The following KMT2C variants were observed in gnomAD, a reference collection of about 807,000 sequenced individuals.
KMT2C encodes histone-lysine N-methyltransferase 2C.
Under a neutral mutation model 507.9 loss-of-function variants are expected in KMT2C, and 88 were observed. The observed-to-expected ratio is 0.17, with a 90% CI of 0.15 to 0.21. The LOEUF is 0.21. Among genes scored for constraint, KMT2C ranks in the 10% least tolerant of loss-of-function variants. KMT2C has a pLI of 1.00. For missense variants in KMT2C, 4,954 were observed against 5,957.8 expected (o/e 0.83, Z 5.55); for synonymous variants, 2,049 against 2,080.8 (o/e 0.98, Z 0.42).
At chr7:152,350,502 T>C (rs2097101992) in intron 2 of KMT2C, among the ~76,000 whole-genome samples, 1 of 152,222 alleles carries the variant, frequency 6.6e-6, no homozygotes, top group Admixed American at 6.5e-5. Flanking sequence ...TACAAACCTG[T>C]ACAGCATGTT....
At chr7:152,168,567 C>T (rs1418825251) in intron 41 of KMT2C, among the ~76,000 whole-genome samples, 1 of 151,966 alleles carries the variant, frequency 6.6e-6, no homozygotes, top group Non-Finnish European at 1.5e-5. Context: ...TGAGACCTAC[C>T]GCAAGGAAAG....
intron 1 of KMT2C, among the ~76,000 whole-genome samples, chr7:152,415,486 C>A (rs1472725371): frequency 6.6e-6 from 1 of 152,082 alleles, no homozygotes; most frequent in Non-Finnish European, 1.5e-5. Context: ...ATATGTCATA[C>A]AACAAGCTTA....
At chr7:152,333,461 T>C (rs1419019798) in intron 2 of KMT2C, among the ~76,000 whole-genome samples, 1 of 152,178 alleles carries the variant, frequency 6.6e-6, no homozygotes, top group African/African-American at 2.4e-5. Flanking sequence ...ATTATCCACA[T>C]TTCAACAATT....
At chr7:152,359,386 C>G (rs2129232245) in intron 1 of KMT2C, among the ~76,000 whole-genome samples, 1 of 150,070 alleles carries the variant, frequency 6.7e-6, no homozygotes, top group Admixed American at 6.7e-5. Flanking sequence ...ATAAGAGCAA[C>G]AAGATATTAC....
chr7:152,296,030 T>C (rs1405444694), intron 6 of KMT2C, among the ~76,000 whole-genome samples: 1 of 127,806 alleles, frequency 7.8e-6, no homozygotes, highest in African/African-American at 3.1e-5. Context: ...ATCACGCCAC[T>C]GCACTCCAGC....
rs1055937593 is a variant in KMT2C at position 152,185,538 on chromosome 7, A to G, written c.5082+20T>C. 5 of 775,270 alleles carry G rather than the reference A, an allele frequency of 6.4e-6. No individual in the cohort carries two copies. The highest frequency in any genetic ancestry group is 9.9e-6 in the Non-Finnish European group (5 of 506,320). 48.0% of individuals were successfully genotyped at this position (775,270 alleles called of 1,614,324 possible). A position where few individuals can be genotyped will look rare whatever the true frequency, so the allele number is the denominator to read the frequency against. ...CACTGTATTTAAATATTTAAAAGAT[A>G]GAGGAGTTTCTTAAAATACCACATA... is the stretch of plus-strand genomic sequence containing the variant. On this transcript the variant is annotated intron_variant, in intron 34 of 58. Transcript: ENST00000262189.
intron 31 of KMT2C, among the ~76,000 whole-genome samples, chr7:152,191,760 C>A (rs1009291403): frequency 2.0e-5 from 3 of 152,206 alleles, no homozygotes; most frequent in Admixed American, 1.3e-4. Flanking sequence ...TTAAACAATG[C>A]CCACTCCCTT....
At chr7:152,413,885 C>CAAAAAA (rs56006056) in intron 1 of KMT2C, among the ~76,000 whole-genome samples, 9 of 108,166 alleles carry the variant, frequency 8.3e-5, no homozygotes, top group African/African-American at 1.8e-4. Flanking sequence ...AACTCCGTCT[C>CAAAAAA]AAAAAAAAAA....
chr7:152,346,026 A>G (rs2097055002), intron 2 of KMT2C, among the ~76,000 whole-genome samples: 1 of 152,230 alleles, frequency 6.6e-6, no homozygotes. Context: ...AAAGAAAGGC[A>G]TTTTATAATG....
intron 2 of KMT2C, among the ~76,000 whole-genome samples, chr7:152,358,159 T>C (rs149321833): frequency 6.6e-6 from 1 of 152,194 alleles, no homozygotes; most frequent in Non-Finnish European, 1.5e-5. Context: ...CCAGAAACTA[T>C]TTGGTCTAGT....
Position 152,367,107 on chromosome 7 carries a change from GGAAGA to G in KMT2C, c.162-8437_162-8433del. The G allele has an allele frequency of 3.4e-6, 3 of 886,198 alleles. No homozygotes were observed. In the East Asian group the frequency reaches 8.0e-5, roughly 24 times the overall value. The allele number at this position is 886,198 out of a possible 1,614,324, so 54.9% of individuals were successfully genotyped here. A position where few individuals can be genotyped will look rare whatever the true frequency, so the allele number is the denominator to read the frequency against. On this transcript the variant is annotated intron_variant, in intron 1 of 58. Coordinates refer to ENST00000262189, the MANE Select transcript of KMT2C (RefSeq NM_170606.3). ...TGCATTTTTATCCAGAGAAGGAACAGGAAGAGAAGAGTGTGGTCTCCTAGAAATCT... is the reference window on the plus strand; with the variant it reads ...TGCATTTTTATCCAGAGAAGGAACAGGAAGAGTGTGGTCTCCTAGAAATCT...
intron 23 of KMT2C, among the ~76,000 whole-genome samples, chr7:152,218,877 A>ATG: frequency 6.6e-6 from 1 of 152,246 alleles, no homozygotes; most frequent in Non-Finnish European, 1.5e-5. Context: ...TCTCTCAGGT[A>ATG]ATCAAGTGGC....
chr7:152,165,662 G>A (rs1450563383), intron 42 of KMT2C, among the ~76,000 whole-genome samples: 1 of 152,136 alleles, frequency 6.6e-6, no homozygotes, highest in Non-Finnish European at 1.5e-5. Context: ...AACATGTACA[G>A]TGGGGGTATT....
intron 39 of KMT2C, 64 bp from the exon 40 acceptor site, chr7:152,171,406 A>G: frequency 9.4e-7 from 1 of 1,069,348 alleles, no homozygotes; most frequent in Non-Finnish European, 1.3e-6. Context: ...TATTAATTAA[A>G]AACTGTATTA....
At chr7:152,331,552 T>C (rs1450313110) in intron 2 of KMT2C, among the ~76,000 whole-genome samples, 1 of 150,306 alleles carries the variant, frequency 6.7e-6, no homozygotes, top group African/African-American at 2.5e-5. Context: ...GAGGCTACAG[T>C]GAGCTGTGAT....
At position 152,169,209 on chromosome 7, in the gene KMT2C, G is replaced by A; in HGVS notation, c.9494C>T (p.Pro3165Leu). The A allele has an allele frequency of 6.2e-7, 1 of 1,600,906 alleles. No homozygotes were observed. The highest frequency in any genetic ancestry group is 8.6e-7 in the Non-Finnish European group (1 of 1,168,280). Residue 3165 changes from proline to leucine, a missense_variant, in exon 41 of 59, where the codon CCA becomes CTA. Pro to Leu is a moderately conservative substitution (Grantham distance 98). Around this residue, in one of 29 missense-constraint regions of KMT2C, gnomAD observed 71 missense variants for 139.2 expected, o/e 0.51. Coordinates refer to ENST00000262189, the MANE Select transcript of KMT2C (RefSeq NM_170606.3). ...ACTGACAAAGCCTGGACCAAAATTT[G>A]GAGGATTAGGCCTAGAAATCTGATG... ...ITHQISRPNPPNFGPGFVNDS... is the reference protein window; with the variant it reads ...ITHQISRPNPLNFGPGFVNDS...
At chr7:152,394,925 T>C (rs1328785103) in intron 1 of KMT2C, among the ~76,000 whole-genome samples, 2 of 152,198 alleles carry the variant, frequency 1.3e-5, no homozygotes, top group Admixed American at 6.5e-5. Flanking sequence ...CTTCCAGTCA[T>C]GTGAGGTAAA....
chr7:152,159,091 G>A lies in KMT2C; in HGVS notation c.11461-19C>T, dbSNP rs1266014288. On this transcript the variant is annotated intron_variant, in intron 43 of 58. Coordinates refer to ENST00000262189, the MANE Select transcript of KMT2C (RefSeq NM_170606.3). ...AAGTTTGCTAATGTAATTGGAAAGG[G>A]TAAAAAATAAGTGAACAATTTGCAT... 1 of 1,609,896 alleles carries A rather than the reference G, an allele frequency of 6.2e-7. No homozygotes were observed. The highest frequency in any genetic ancestry group is 1.3e-5 in the African/African-American group (1 of 74,910).
At chr7:152,360,076 G>C (rs1379750750) in intron 1 of KMT2C, among the ~76,000 whole-genome samples, 1 of 63,922 alleles carries the variant, frequency 1.6e-5, no homozygotes, top group Non-Finnish European at 2.4e-5. Context: ...AGGGGGGTGG[G>C]GGGGGGGGGA....
Sources: allele counts gnomAD v4.1 joint callset (sites outside exome capture counted in the v4.1 genomes callset), GRCh38; gene constraint gnomAD v4.1.1; regional missense constraint gnomAD v4.1.1; transcripts MANE v1.5; gene names NCBI Gene and HGNC (gene_info 2026-07-23, HGNC 2026-07-21).